The following HAVCR2 variants were observed in gnomAD, a reference collection of about 807,000 sequenced individuals.
The protein encoded by HAVCR2 is T cell immunoglobulin mucin 3.
In HAVCR2, 13 loss-of-function variants were observed where a neutral mutation model predicts 24.7. The observed-to-expected ratio is 0.53, with a 90% CI of 0.34 to 0.84. HAVCR2 has a LOEUF of 0.84. Among genes scored for constraint, HAVCR2 ranks in the 40% least tolerant of loss-of-function variants. HAVCR2 has a pLI of 0.01. For missense variants in HAVCR2, 343 were observed against 371.2 expected (o/e 0.92, Z 0.62); for synonymous variants, 154 against 143.4 (o/e 1.07, Z -0.53).
At chr5:157,096,506 C>T (rs898667937) in intron 4 of HAVCR2, among the ~76,000 whole-genome samples, 11 of 152,074 alleles carry the variant, frequency 7.2e-5, no homozygotes, top group African/African-American at 2.4e-4. Flanking sequence ...AGGCCAGGTG[C>T]GGTGGCTCAC....
intron 1 of HAVCR2, chr5:157,107,331 C>T (rs748928641): frequency 2.7e-4 from 51 of 188,864 alleles, no homozygotes; most frequent in Admixed American, 1.8e-3. Context: ...CACGGGAGAA[C>T]AGGGCTGATG....
chr5:157,101,849 A>G (rs371431656), intron 3 of HAVCR2, among the ~76,000 whole-genome samples: 49 of 149,244 alleles, frequency 3.3e-4, no homozygotes, highest in African/African-American at 1.0e-3. Context: ...AACTCGGCTC[A>G]GTGAATCCTC....
intron 3 of HAVCR2, among the ~76,000 whole-genome samples, chr5:157,102,274 A>G (rs963198538): frequency 6.6e-6 from 1 of 151,110 alleles, no homozygotes; most frequent in African/African-American, 2.4e-5. Context: ...GGGTTTTGCC[A>G]TGTTGCCCAG....
At chr5:157,089,387 T>G (rs1756960459) in intron 5 of HAVCR2, among the ~76,000 whole-genome samples, 1 of 151,886 alleles carries the variant, frequency 6.6e-6, no homozygotes, top group Non-Finnish European at 1.5e-5. Context: ...AAATACAAAA[T>G]TAGCTGGATG....
intron 5 of HAVCR2, among the ~76,000 whole-genome samples, chr5:157,093,050 A>G (rs900565146): frequency 2.7e-5 from 4 of 149,028 alleles, no homozygotes; most frequent in Non-Finnish European, 4.4e-5. Flanking sequence ...CTCCCAGGTG[A>G]CAGAGTAAGA....
intron 2 of HAVCR2, 99 bp downstream of exon 2, chr5:157,106,528 G>T (rs997311675): frequency 2.0e-6 from 2 of 1,006,586 alleles, no homozygotes; most frequent in Non-Finnish European, 1.5e-6. Flanking sequence ...CTCCTCCAGG[G>T]CTATAATTAG....
intron 2 of HAVCR2, among the ~76,000 whole-genome samples, chr5:157,105,361 G>A (rs921111008): frequency 2.0e-5 from 3 of 152,168 alleles, no homozygotes; most frequent in Admixed American, 2.0e-4. Flanking sequence ...ACCACGCCCA[G>A]CCATGTTTTT....
At chr5:157,088,610 G>T (rs76108697) in intron 6 of HAVCR2, among the ~76,000 whole-genome samples, 6,136 of 152,230 alleles carry the variant, frequency 0.04, 305 homozygotes, top group African/African-American at 0.12. Flanking sequence ...ACGCCTAAGT[G>T]CAGCCCAGAC....
At chr5:157,104,025 A>C (rs1488579272) in intron 3 of HAVCR2, among the ~76,000 whole-genome samples, 2 of 118,840 alleles carry the variant, frequency 1.7e-5, no homozygotes, top group Non-Finnish European at 3.5e-5. Context: ...GGACTCACCT[A>C]TTAACCTCAT....
In HAVCR2 at chr5:157,088,168, C is replaced by T. The variant is rs144220261; in HGVS notation, c.713+773G>A. Reference sequence around the variant, plus strand: ...CATGTGATCCTCCCACCTCAGCCTCCCAAAGTGCTGGGCTTATAGGCGTAA... The same window carrying T: ...CATGTGATCCTCCCACCTCAGCCTCTCAAAGTGCTGGGCTTATAGGCGTAA... On this transcript the variant is annotated intron_variant, in intron 6 of 6. Transcript: ENST00000307851. Among the ~76,000 whole-genome samples, 127 of 152,282 alleles carry T rather than the reference C, an allele frequency of 8.3e-4. 1 individual carries two copies. In the East Asian group the frequency reaches 0.016, roughly 19 times the overall value.
In HAVCR2 at chr5:157,086,878, G is replaced by A. The variant is rs889566911; in HGVS notation, c.*224C>T. 1 of 501,068 alleles carries A rather than the reference G, an allele frequency of 2.0e-6. No individual in the cohort carries two copies. The highest frequency in any genetic ancestry group is 2.0e-5 in the African/African-American group (1 of 50,100). 31.0% of individuals were successfully genotyped at this position (501,068 alleles called of 1,614,324 possible). On this transcript the variant is annotated 3_prime_UTR_variant, in exon 7 of 7. Transcript: ENST00000307851. ...TGAGCTCTAACATCCATGATTAACA[G>A]TCTCTGGGTTGGGTAACTCTGTTGG...
At chr5:157,098,732 A>T in intron 4 of HAVCR2, 126 bp downstream of exon 4, 1 of 793,718 alleles carries the variant, frequency 1.3e-6, no homozygotes, top group Admixed American at 2.3e-5. Flanking sequence ...GTTACAGCCC[A>T]GGAATCTGAA....
rs1174445131 is a variant in HAVCR2, at chr5:157,095,475, C to T, written c.523-16G>A. On this transcript the variant is annotated splice_polypyrimidine_tract_variant and intron_variant, in intron 4 of 6. Transcript: ENST00000307851. ...TGGATATTTGCTATGGAAACACAAACAGGATTTAAGCAGAAAACAGCTAGA... is the reference window on the plus strand; with the variant it reads ...TGGATATTTGCTATGGAAACACAAATAGGATTTAAGCAGAAAACAGCTAGA... 2 of 1,613,796 alleles carry T rather than the reference C, an allele frequency of 1.2e-6. No individual in the cohort carries two copies. The highest frequency in any genetic ancestry group is 1.7e-6 in the Non-Finnish European group (2 of 1,179,886).
chr5:157,087,281 C>T lies in HAVCR2; in HGVS notation c.727G>A (p.Ala243Thr). Residue 243 changes from alanine to threonine, a missense_variant, in exon 7 of 7, where the codon GCC (alanine) becomes ACC (threonine). Coordinates refer to ENST00000307851, the MANE Select transcript of HAVCR2 (RefSeq NM_032782.5). Reference sequence around the variant, plus strand: ...GCCAATCCTGAGGGAGGGAGGTTGGCCAAAGAGATGAGGCTGTGGAAATAA... The same window carrying T: ...GCCAATCCTGAGGGAGGGAGGTTGGTCAAAGAGATGAGGCTGTGGAAATAA... ...KIQNLSLISL[A>T]NLPPSGLANA... 6.2e-7 allele frequency: 1 copy of T among 1,609,296 alleles called. No homozygotes were observed. Among genetic ancestry groups the T allele is most frequent in the Non-Finnish European group, 8.5e-7 (1 of 1,178,708 alleles).
In HAVCR2 at chr5:157,088,937, T is replaced by C. The variant is rs761480178; in HGVS notation, c.713+4A>G. 2 of 1,609,508 alleles carry C rather than the reference T, an allele frequency of 1.2e-6. No individual in the cohort carries two copies. The highest frequency in any genetic ancestry group is 3.4e-5 in the Admixed American group (2 of 59,484). ...TTTTCCCAACCCCATTCCATTATTC[T>C]TACCTTAAATTCTGTATCTTCTCTT... On this transcript the variant is annotated splice_donor_region_variant and intron_variant, in intron 6 of 6. Transcript: ENST00000307851.
chr5:157,106,892 G>A lies in HAVCR2; in HGVS notation c.129C>T (p.Ala43=), dbSNP rs55985833. Residue 43 remains alanine, a synonymous_variant, in exon 2 of 7, where the codon GCC becomes GCT. Coordinates refer to ENST00000307851, the MANE Select transcript of HAVCR2 (RefSeq NM_032782.5). The part of the protein sequence containing the change: ...NAYLPCFYTP[A]APGNLVPVCW... ...AGACGGGCACGAGGTTCCCTGGGGC[G>A]GCTGGGGTGTAGAAGCAGGGCAGAT... 278 of 1,614,184 alleles carry A rather than the reference G, an allele frequency of 1.7e-4. 1 individual carries two copies. The East Asian group carries it at 3.3e-3, about 19-fold the overall frequency.
intron 3 of HAVCR2, among the ~76,000 whole-genome samples, chr5:157,104,361 G>T (rs926955877): frequency 2.6e-4 from 39 of 152,200 alleles, no homozygotes; most frequent in African/African-American, 9.4e-4. Flanking sequence ...GGGTCAGTCA[G>T]AAAATGTGGA....
chr5:157,106,553 A>G (rs751153164), intron 2 of HAVCR2, 74 bp downstream of exon 2: 2 of 1,305,528 alleles, frequency 1.5e-6, no homozygotes, highest in Non-Finnish European at 2.2e-6. Context: ...GTCAGAGATG[A>G]GAACAATCAG....
chr5:157,098,787 T>G (rs952405765), intron 4 of HAVCR2, 71 bp downstream of exon 4: 17 of 1,397,654 alleles, frequency 1.2e-5, no homozygotes, highest in Non-Finnish European at 1.6e-5. Flanking sequence ...AAGGTGGGCA[T>G]GAAGGAAGTC....
Sources: gnomAD v4.1 joint callset for allele counts (sites outside exome capture counted in the v4.1 genomes callset) on GRCh38, gnomAD v4.1.1 for gene constraint, MANE v1.5 for transcripts, NCBI Gene and HGNC (gene_info 2026-07-23, HGNC 2026-07-21) for gene names.